RAB33A: variants seen among roughly 807,000 people sequenced by gnomAD.
RAB33A encodes RAB33A, member RAS oncogene family.
A neutral mutation model predicts 12.0 loss-of-function variants in RAB33A; 6 were observed. The ratio of observed to expected loss-of-function variants is 0.50; its 90% CI spans 0.27 to 0.99. RAB33A has a LOEUF of 0.99. Among genes scored for constraint, RAB33A ranks in the 50% least tolerant of loss-of-function variants. The pLI, the probability that RAB33A is intolerant of heterozygous loss-of-function variation, is 0.11. For missense variants in RAB33A, 109 were observed against 192.0 expected (o/e 0.57, Z 2.55); for synonymous variants, 70 against 82.4 (o/e 0.85, Z 0.81).
At chrX:130,140,590 T>C in the RAB33A span, 30 of 1,208,642 alleles carry the variant, frequency 2.5e-5, no homozygotes, top group African/African-American at 3.3e-4. Context: ...AGTTTCACCA[T>C]GTTGTCTCTC....
the RAB33A span, among the ~76,000 whole-genome samples, chrX:130,111,216 G>A: frequency 1.8e-5 from 2 of 111,421 alleles, no homozygotes; most frequent in Non-Finnish European, 3.8e-5. Flanking sequence ...GCCCGGGCGG[G>A]CGCTCCCCAC....
chrX:130,132,687 G>T, the RAB33A span, among the ~76,000 whole-genome samples: 1 of 111,258 alleles, frequency 9.0e-6, no homozygotes, highest in Admixed American at 9.5e-5. Context: ...AGAGGCATGA[G>T]CAACCATACC....
the RAB33A span, among the ~76,000 whole-genome samples, chrX:130,130,927 A>C: frequency 8.9e-6 from 1 of 112,500 alleles, no homozygotes. Context: ...GAGAGATCAG[A>C]ATTAAGGAAT....
chrX:130,113,760 C>T, the RAB33A span, among the ~76,000 whole-genome samples: 1 of 111,841 alleles, frequency 8.9e-6, no homozygotes, highest in Non-Finnish European at 1.9e-5. Flanking sequence ...TTATTGTTGA[C>T]TGCAGGCACC....
the RAB33A span, among the ~76,000 whole-genome samples, chrX:130,139,137 C>A: frequency 9.2e-6 from 1 of 109,187 alleles, no homozygotes; most frequent in Non-Finnish European, 1.9e-5. Flanking sequence ...CACAGCCTGG[C>A]CAACAGGGTA....
rs2031613165 is a variant in RAB33A at position 130,171,975 on chromosome X, G to A, written c.-88G>A. On this transcript the variant is annotated 5_prime_UTR_variant, in exon 1 of 2. Transcript: ENST00000257017. ...ACGCGCGCACACACACACGCACAGAGCTCGCTCGCCTCGAGCGCACGAACG... is the reference window on the plus strand; with the variant it reads ...ACGCGCGCACACACACACGCACAGAACTCGCTCGCCTCGAGCGCACGAACG... 1 of 1,026,407 alleles carries A rather than the reference G, an allele frequency of 9.7e-7. No individual in the cohort carries two copies. The highest frequency in any genetic ancestry group is 1.3e-6 in the Non-Finnish European group (1 of 777,952). The allele number at this position is 1,026,407 out of a possible 1,213,427, so 84.6% of individuals were successfully genotyped here.
At chrX:130,165,442 CTA>C in the RAB33A span, 6 of 656,138 alleles carry the variant, frequency 9.1e-6, no homozygotes, top group Non-Finnish European at 4.9e-6. Flanking sequence ...ATTCACGTGA[CTA>C]TGTGTTAAGT....
chrX:130,154,839 T>C, the RAB33A span, among the ~76,000 whole-genome samples: 1 of 112,767 alleles, frequency 8.9e-6, no homozygotes, highest in East Asian at 2.8e-4. Flanking sequence ...TCTTGTTAGA[T>C]ATGCAGCACT....
chrX:130,178,021 C>G (rs2031680575), intron 1 of RAB33A, among the ~76,000 whole-genome samples: 1 of 112,175 alleles, frequency 8.9e-6, no homozygotes, highest in African/African-American at 3.2e-5. Flanking sequence ...ACCTAACTCT[C>G]AAACAAAATG....
Position 130,178,485 on chromosome X carries a change from C to T in RAB33A, c.259-5800C>T, listed in dbSNP as rs181370364. Among the ~76,000 whole-genome samples, 135 of 107,082 alleles carry T rather than the reference C, an allele frequency of 1.3e-3. 1 individual carries two copies. In the South Asian group the frequency reaches 0.013, roughly 10 times the overall value. The allele number at this position is 107,082 out of a possible 115,157, so 93.0% of individuals were successfully genotyped here. The stretch of plus-strand genomic sequence containing the variant: ...CTCTACAAAAAATACAAAAATTAGC[C>T]GGGTGTGGTGGTGCATGCCTGTAGT... On this transcript the variant is annotated intron_variant, in intron 1 of 1. Transcript: ENST00000257017.
chrX:130,125,525 C>A, the RAB33A span, among the ~76,000 whole-genome samples: 2 of 110,850 alleles, frequency 1.8e-5, no homozygotes, highest in African/African-American at 3.3e-5. Flanking sequence ...GCACTGGGAG[C>A]GAGTCCCAAC....
At chrX:130,121,252 C>CTT in the RAB33A span, among the ~76,000 whole-genome samples, 46 of 94,752 alleles carry the variant, frequency 4.9e-4, 1 homozygote, top group African/African-American at 1.4e-3. Context: ...CTTTTCTTTT[C>CTT]TTTTTTTTTT....
At chrX:130,131,221 C>T in the RAB33A span, among the ~76,000 whole-genome samples, 1 of 111,837 alleles carries the variant, frequency 8.9e-6, no homozygotes, top group Non-Finnish European at 1.9e-5. Flanking sequence ...CAGCCCAGTT[C>T]CTCCCTGCGC....
chrX:130,174,556 G>A (rs1340120390), intron 1 of RAB33A, among the ~76,000 whole-genome samples: 2 of 112,593 alleles, frequency 1.8e-5, no homozygotes, highest in East Asian at 5.6e-4. Context: ...AGGAATACAT[G>A]CCAAAGCCAT....
the RAB33A span, among the ~76,000 whole-genome samples, chrX:130,166,923 TG>T: frequency 1.8e-5 from 2 of 112,203 alleles, no homozygotes; most frequent in Non-Finnish European, 1.9e-5. Context: ...CAGTTTACAA[TG>T]GGTTTATTTG....
At chrX:130,156,668 T>C in the RAB33A span, 4 of 1,123,586 alleles carry the variant, frequency 3.6e-6, no homozygotes, top group Admixed American at 2.2e-5. Context: ...ATATTTATGA[T>C]TAAATGTCAA....
upstream of RAB33A, among the ~76,000 whole-genome samples, chrX:130,170,805 T>C (rs1007504001): frequency 1.8e-5 from 2 of 112,867 alleles, no homozygotes; most frequent in Admixed American, 9.3e-5. Flanking sequence ...GAGGGACTTA[T>C]GGTTATATGG....
chrX:130,162,283 G>A, the RAB33A span, among the ~76,000 whole-genome samples: 14 of 111,779 alleles, frequency 1.3e-4, no homozygotes, highest in African/African-American at 4.6e-4. Context: ...TAATCCTTAC[G>A]TCAGCAAAAC....
At chrX:130,118,732 C>T in the RAB33A span, among the ~76,000 whole-genome samples, 53 of 111,179 alleles carry the variant, frequency 4.8e-4, no homozygotes, top group Non-Finnish European at 9.4e-4. Flanking sequence ...GGTCTGTGTG[C>T]AACATGGCTC....
Sources: allele counts gnomAD v4.1 joint callset (sites outside exome capture counted in the v4.1 genomes callset), GRCh38; gene constraint gnomAD v4.1.1; transcripts MANE v1.5; gene names NCBI Gene and HGNC (gene_info 2026-07-23, HGNC 2026-07-21).